The following TBC1D22A variants were observed in gnomAD, a reference collection of about 807,000 sequenced individuals.
The protein encoded by TBC1D22A is TBC1 domain family member 22A.
Under a neutral mutation model 60.2 loss-of-function variants are expected in TBC1D22A, and 38 were observed. The ratio of observed to expected loss-of-function variants is 0.63; its 90% CI spans 0.49 to 0.83. TBC1D22A has a LOEUF of 0.83. Among genes scored for constraint, TBC1D22A ranks in the 40% least tolerant of loss-of-function variants. TBC1D22A has a pLI of 0.00. For missense variants in TBC1D22A, 628 were observed against 701.0 expected (o/e 0.90, Z 1.18); for synonymous variants, 302 against 281.7 (o/e 1.07, Z -0.72).
chr22:46,781,003 G>A lies in TBC1D22A; in HGVS notation c.63-11517G>A, dbSNP rs1176698139. On this transcript the variant is annotated intron_variant, in intron 1 of 12. Transcript: ENST00000337137. ...CTCTGGGCACAGTCCTGAAGAGTTG[G>A]TGTTGATGTCAGGGACCCATTCTCT... 2.0e-5 allele frequency among the ~76,000 whole-genome samples: 3 copies of A among 152,114 alleles called. No individual in the cohort carries two copies. The East Asian group carries it at 5.8e-4, about 29-fold the overall frequency.
At chr22:47,165,143 GT>G (rs1442308111) in intron 12 of TBC1D22A, among the ~76,000 whole-genome samples, 1 of 152,128 alleles carries the variant, frequency 6.6e-6, no homozygotes, top group Non-Finnish European at 1.5e-5. Flanking sequence ...TCTGTCAAGT[GT>G]GGCCGTCGTC....
At chr22:46,932,573 C>T (rs9616161) in intron 8 of TBC1D22A, among the ~76,000 whole-genome samples, 12,247 of 152,120 alleles carry the variant, frequency 0.081, 573 homozygotes, top group Non-Finnish European at 0.1. Flanking sequence ...GCCCCCTCCC[C>T]GTGTCTTCTC....
intron 7 of TBC1D22A, among the ~76,000 whole-genome samples, chr22:46,900,900 C>A (rs142047193): frequency 6.6e-6 from 1 of 152,218 alleles, no homozygotes; most frequent in African/African-American, 2.4e-5. Context: ...GTTCTCACTG[C>A]TGATTTTAAA....
chr22:47,037,646 A>T (rs544936667), intron 11 of TBC1D22A, among the ~76,000 whole-genome samples: 3 of 152,248 alleles, frequency 2.0e-5, no homozygotes, highest in African/African-American at 7.2e-5. Context: ...ATAAATAAAT[A>T]AAAATAAAAG....
At chr22:47,117,531 C>T (rs1318600038) in intron 12 of TBC1D22A, among the ~76,000 whole-genome samples, 3 of 113,562 alleles carry the variant, frequency 2.6e-5, no homozygotes, top group African/African-American at 1.0e-4. Context: ...CACCCCACAC[C>T]GTGGCATCGA....
intron 4 of TBC1D22A, among the ~76,000 whole-genome samples, chr22:46,818,070 G>T (rs1201618867): frequency 6.6e-6 from 1 of 152,140 alleles, no homozygotes. Flanking sequence ...AGAAGTATCT[G>T]TTCATATCCT....
At chr22:46,944,472 C>T (rs929052962) in intron 8 of TBC1D22A, among the ~76,000 whole-genome samples, 1 of 152,160 alleles carries the variant, frequency 6.6e-6, no homozygotes, top group Non-Finnish European at 1.5e-5. Flanking sequence ...AATCTTGGCT[C>T]ACTGCAATCT....
chr22:46,944,544 G>GTGT (rs2072394643), intron 8 of TBC1D22A, among the ~76,000 whole-genome samples: 2 of 151,930 alleles, frequency 1.3e-5, no homozygotes, highest in Non-Finnish European at 2.9e-5. Flanking sequence ...GACTACAGGC[G>GTGT]CCCGCCACCA....
intron 8 of TBC1D22A, among the ~76,000 whole-genome samples, chr22:46,956,705 G>A (rs372897712): frequency 7.9e-5 from 12 of 152,202 alleles, no homozygotes; most frequent in East Asian, 5.8e-4. Flanking sequence ...TGTGGGGCGC[G>A]TTCCCCTCAG....
chr22:46,827,909 T>G (rs1277662240), intron 4 of TBC1D22A, among the ~76,000 whole-genome samples: 1 of 152,188 alleles, frequency 6.6e-6, no homozygotes, highest in Non-Finnish European at 1.5e-5. Context: ...CTGCAGCTCT[T>G]TGTGCGGATA....
intron 9 of TBC1D22A, among the ~76,000 whole-genome samples, chr22:46,976,723 TG>T (rs1419029952): frequency 6.6e-6 from 1 of 152,216 alleles, no homozygotes; most frequent in Non-Finnish European, 1.5e-5. Context: ...TTGAAACCCT[TG>T]GGGAAGCTCT....
chr22:46,895,128 C>A (rs1298052557), intron 7 of TBC1D22A, among the ~76,000 whole-genome samples: 2 of 152,012 alleles, frequency 1.3e-5, no homozygotes, highest in Non-Finnish European at 2.9e-5. Context: ...GGAAACAGAA[C>A]CCCCCAGTGC....
intron 4 of TBC1D22A, among the ~76,000 whole-genome samples, chr22:46,877,581 C>G (rs149214015): frequency 1.3e-5 from 2 of 152,240 alleles, no homozygotes; most frequent in Non-Finnish European, 2.9e-5. Context: ...GTTATTGCTG[C>G]GACTATCGCC....
intron 12 of TBC1D22A, among the ~76,000 whole-genome samples, chr22:47,146,075 C>T (rs539445571): frequency 1.3e-5 from 2 of 151,244 alleles, no homozygotes; most frequent in African/African-American, 4.9e-5. Context: ...CGTGCTGTTC[C>T]TTAAAGCAGG....
chr22:47,077,661 G>A (rs2064281411), intron 11 of TBC1D22A, among the ~76,000 whole-genome samples: 1 of 152,240 alleles, frequency 6.6e-6, no homozygotes, highest in South Asian at 2.1e-4. Flanking sequence ...CTGGTGGGGA[G>A]TGAGACAAGT....
chr22:46,979,562 G>A (rs534187723), intron 9 of TBC1D22A, among the ~76,000 whole-genome samples: 444 of 152,296 alleles, frequency 2.9e-3, no homozygotes, highest in Non-Finnish European at 4.8e-3. Flanking sequence ...GTTCTTCCAC[G>A]TGTTGGTCAG....
chr22:47,012,489 G>A (rs923117808), intron 10 of TBC1D22A, among the ~76,000 whole-genome samples: 3 of 152,162 alleles, frequency 2.0e-5, no homozygotes, highest in African/African-American at 4.8e-5. Flanking sequence ...TCATGCCTCT[G>A]TGCCCAGAGT....
intron 9 of TBC1D22A, among the ~76,000 whole-genome samples, chr22:46,980,636 T>TA (rs2074477824): frequency 1.0e-3 from 2 of 1,964 alleles, no homozygotes; most frequent in Admixed American, 0.014. Flanking sequence ...CACAGAGAGA[T>TA]ACTGAAAATA....
chr22:47,011,044 A>C (rs190692317), intron 10 of TBC1D22A, among the ~76,000 whole-genome samples: 2 of 152,250 alleles, frequency 1.3e-5, no homozygotes, highest in East Asian at 3.9e-4. Flanking sequence ...CTGACTTTTC[A>C]TAACAGCCCC....
Sources: gnomAD v4.1 joint callset for allele counts (sites outside exome capture counted in the v4.1 genomes callset) on GRCh38, gnomAD v4.1.1 for gene constraint, MANE v1.5 for transcripts, NCBI Gene and HGNC (gene_info 2026-07-23, HGNC 2026-07-21) for gene names.